The following KLHL30 variants were observed in gnomAD, a reference collection of about 807,000 sequenced individuals.
The protein encoded by KLHL30 is kelch-like protein 30.
KLHL30 carries 55 observed loss-of-function variants against 55.0 expected under a neutral mutation model. The ratio of observed to expected loss-of-function variants is 1.00; its 90% CI spans 0.80 to 1.25. The LOEUF (loss-of-function observed/expected upper bound fraction) is 1.25. KLHL30 is among the 50% of genes most tolerant of loss of function. KLHL30 has a pLI of 0.00. For missense variants in KLHL30, 786 were observed against 811.6 expected, an observed-to-expected ratio of 0.97 and a Z score of 0.38; for synonymous variants, 356 against 372.6, an observed-to-expected ratio of 0.96 and a Z score of 0.51.
At position 238,144,997 on chromosome 2, in the gene KLHL30, C is replaced by T. The variant is rs746759298; in HGVS notation, c.994+9C>T. The T allele has an allele frequency of 8.8e-6, 14 of 1,588,520 alleles. No individual in the cohort carries two copies. In the Admixed American group the frequency reaches 1.9e-4, roughly 22 times the overall value. On this transcript the variant is annotated intron_variant, in intron 4 of 7. Coordinates refer to ENST00000409223, the MANE Select transcript of KLHL30 (RefSeq NM_198582.4). ...CAACATCTATGTCACAGGTGGGCAG[C>T]TCGGGGACCCTTCCAGAGATGCCCT... is the stretch of plus-strand genomic sequence containing the variant.
chr2:238,143,301 G>A lies in KLHL30; in HGVS notation c.907+370G>A, dbSNP rs555934400. Among the ~76,000 whole-genome samples, 14 of 152,344 alleles carry A rather than the reference G, an allele frequency of 9.2e-5. No homozygotes were observed. The East Asian group carries it at 1.2e-3, about 13-fold the overall frequency. On this transcript the variant is annotated intron_variant, in intron 3 of 7. Coordinates refer to ENST00000409223, the MANE Select transcript of KLHL30 (RefSeq NM_198582.4). The stretch of plus-strand genomic sequence containing the variant: ...GCTCAGTGCACCTGCCGAGGGAATC[G>A]AGACCCCAAGGGGAGAGTGGGGTGG...
Position 238,151,425 on chromosome 2 carries a change from G to T in KLHL30, c.*360G>T. ...CTCCTGCCCCTGGACCCCAGCAGGG[G>T]CTTTTGGAGCAGTTGCATGAATGTG... On this transcript the variant is annotated 3_prime_UTR_variant, in exon 8 of 8. Coordinates refer to ENST00000409223, the MANE Select transcript of KLHL30 (RefSeq NM_198582.4). 3.0e-6 allele frequency: 1 copy of T among 337,532 alleles called. No homozygotes were observed. Among genetic ancestry groups the T allele is most frequent in the Non-Finnish European group, 5.5e-6 (1 of 180,648 alleles). 20.9% of individuals were successfully genotyped at this position (337,532 alleles called of 1,614,324 possible). A position where few individuals can be genotyped will look rare whatever the true frequency, so the allele number is the denominator to read the frequency against.
chr2:238,139,546 GT>G (rs1301160921), intron 1 of KLHL30, among the ~76,000 whole-genome samples: 1 of 152,178 alleles, frequency 6.6e-6, no homozygotes, highest in Non-Finnish European at 1.5e-5. Context: ...CCGCTCTGGG[GT>G]CAAGAGGTGG....
intron 2 of KLHL30, 120 bp from the exon 3 acceptor site, chr2:238,142,679 C>T: frequency 9.9e-7 from 1 of 1,012,950 alleles, no homozygotes; most frequent in Non-Finnish European, 1.3e-6. Context: ...GGGCACACGC[C>T]ATCTCCAGCA....
rs117746135 is a variant in KLHL30 at position 238,148,528 on chromosome 2, C to G, written c.1340-479C>G. 4.9e-4 allele frequency among the ~76,000 whole-genome samples: 74 copies of G among 152,336 alleles called. 1 individual carries two copies. The East Asian group carries it at 8.7e-3, about 18-fold the overall frequency. On this transcript the variant is annotated intron_variant, in intron 6 of 7. Transcript: ENST00000409223. The stretch of plus-strand genomic sequence containing the variant: ...CTGGTCTCCAGTCCTGTTTCACCCT[C>G]TGGACAGTGTAGATGGTGGCGGGCC...
chr2:238,144,420 A>AAGGC (rs1692604252), intron 3 of KLHL30, among the ~76,000 whole-genome samples: 32 of 98,918 alleles, frequency 3.2e-4, no homozygotes, highest in African/African-American at 1.2e-3. Context: ...GGAAGGAAGG[A>AAGGC]AGGAAGGAAG....
chr2:238,146,372 C>T (rs1299179961), intron 5 of KLHL30, among the ~76,000 whole-genome samples: 1 of 150,022 alleles, frequency 6.7e-6, no homozygotes, highest in East Asian at 2.0e-4. Context: ...GACCCTGTCT[C>T]CCTTTTTAAA....
chr2:238,147,132 G>A lies in KLHL30; in HGVS notation c.1151-702G>A, dbSNP rs1692662296. On this transcript the variant is annotated intron_variant, in intron 5 of 7. Transcript: ENST00000409223. The surrounding 1 kb of genome is among the most constrained non-coding windows in gnomAD (Gnocchi z 5.8). ...ACTGCACTTCAGCCTGGGTGACCGA[G>A]CAAGACCCTGTCTCAAAAAAAAAAA... 6.8e-6 allele frequency among the ~76,000 whole-genome samples: 1 copy of A among 146,666 alleles called. No homozygotes were observed. Among genetic ancestry groups the A allele is most frequent in the Non-Finnish European group, 1.5e-5 (1 of 66,992 alleles).
chr2:238,145,462 G>A (rs535627253), intron 4 of KLHL30, among the ~76,000 whole-genome samples: 1 of 152,292 alleles, frequency 6.6e-6, no homozygotes, highest in South Asian at 2.1e-4. Flanking sequence ...GCTGATGGGG[G>A]CTTGAAACCA....
At position 238,147,626 on chromosome 2, in the gene KLHL30, C is replaced by T. The variant is rs1177740915; in HGVS notation, c.1151-208C>T. 6.6e-6 allele frequency among the ~76,000 whole-genome samples: 1 copy of T among 152,168 alleles called. No individual in the cohort carries two copies. The highest frequency in any genetic ancestry group is 2.4e-5 in the African/African-American group (1 of 41,434). On this transcript the variant is annotated intron_variant, in intron 5 of 7. Coordinates refer to ENST00000409223, the MANE Select transcript of KLHL30 (RefSeq NM_198582.4). This position sits in a 1 kb window ranked among gnomAD's most constrained non-coding sequence, Gnocchi z 5.8. ...GCTCAGGAGTGGGGCATTTCTAGGC[C>T]CGAGTGTCCACCCCCACCCCCACCA...
intron 1 of KLHL30, 38 bp from the exon 2 acceptor site, chr2:238,140,647 C>T: frequency 8.2e-7 from 1 of 1,217,006 alleles, no homozygotes; most frequent in Non-Finnish European, 1.1e-6. Flanking sequence ...AGGATGAGAC[C>T]ATCCCCACTT....
intron 1 of KLHL30, 55 bp from the exon 2 acceptor site, chr2:238,140,630 G>A: frequency 3.0e-6 from 3 of 985,004 alleles, no homozygotes; most frequent in Non-Finnish European, 4.4e-6. Context: ...CGGGTGGGTT[G>A]CTCAGGAGGA....
At chr2:238,144,406 G>GGAAGGAAGGAAGGAAGGAAGGAAT (rs1559275881) in intron 3 of KLHL30, among the ~76,000 whole-genome samples, 35 of 122,506 alleles carry the variant, frequency 2.9e-4, no homozygotes, top group Admixed American at 5.7e-4. Context: ...AAGGAAGGAA[G>GGAAGGAAGGAAGGAAGGAAGGAAT]GAAGGAAGGA....
chr2:238,148,626 G>T (rs1002271984), intron 6 of KLHL30, among the ~76,000 whole-genome samples: 1 of 151,472 alleles, frequency 6.6e-6, no homozygotes, highest in Non-Finnish European at 1.5e-5. Context: ...GGCCCACCTG[G>T]GTACCAGGCC....
chr2:238,151,111 A>C lies in KLHL30; in HGVS notation c.*46A>C, dbSNP rs115038296. On this transcript the variant is annotated 3_prime_UTR_variant, in exon 8 of 8. Coordinates refer to ENST00000409223, the MANE Select transcript of KLHL30 (RefSeq NM_198582.4). ...GGAGGAGTCCCCACAGCGGCCCCTC[A>C]TCAGCCTGTGGAACGGCCCCTTTCA... is the stretch of plus-strand genomic sequence containing the variant. 2,310 of 1,545,596 alleles carry C rather than the reference A, an allele frequency of 1.5e-3. 30 individuals are homozygous for C. The African/African-American group carries it at 0.027, about 18-fold the overall frequency.
chr2:238,147,974 G>T lies in KLHL30; in HGVS notation c.1291G>T (p.Ala431Ser), dbSNP rs777868844. 2 of 1,558,528 alleles carry T rather than the reference G, an allele frequency of 1.3e-6. No individual in the cohort carries two copies. The highest frequency in any genetic ancestry group is 8.7e-7 in the Non-Finnish European group (1 of 1,152,932). The change falls in exon 6 of 8, where the codon GCC (alanine) becomes TCC (serine). Residue 431 changes from alanine to serine, a missense_variant. By Grantham distance (99) the Ala-to-Ser change is moderately conservative. Transcript: ENST00000409223. The surrounding 1 kb of genome is among the most constrained non-coding windows in gnomAD (Gnocchi z 5.8). ...RGRLYLVGSS[A>S]CKYNALALQC... ...CCGGCTCTACCTGGTGGGCTCCAGC[G>T]CCTGCAAGTACAACGCCCTGGCCCT...
chr2:238,144,694 C>A (rs1227666821), intron 3 of KLHL30, among the ~76,000 whole-genome samples: 1 of 152,104 alleles, frequency 6.6e-6, no homozygotes, highest in African/African-American at 2.4e-5. Flanking sequence ...CCAGGCTCTG[C>A]GGAGTGGGTG....
Position 238,151,307 on chromosome 2 carries a change from AG to A in KLHL30, c.*245del, listed in dbSNP as rs1692752602. 1.7e-6 allele frequency: 1 copy of A among 589,686 alleles called. No homozygotes were observed. The highest frequency in any genetic ancestry group is 2.9e-6 in the Non-Finnish European group (1 of 340,016). 36.5% of individuals were successfully genotyped at this position (589,686 alleles called of 1,614,324 possible). ...CCTGAGTGCCAGACGCTGGCATAAC[AG>A]GGACAGGAAGCTCTGCTGCCCCTGG... On this transcript the variant is annotated 3_prime_UTR_variant, in exon 8 of 8. Coordinates refer to ENST00000409223, the MANE Select transcript of KLHL30 (RefSeq NM_198582.4).
At chr2:238,139,508 G>A (rs941008635) in intron 1 of KLHL30, among the ~76,000 whole-genome samples, 3 of 152,162 alleles carry the variant, frequency 2.0e-5, no homozygotes, top group Non-Finnish European at 2.9e-5. Flanking sequence ...GTTGGTCCGC[G>A]AGGCCCTGTG....
Sources: allele counts gnomAD v4.1 joint callset (sites outside exome capture counted in the v4.1 genomes callset), GRCh38; gene constraint gnomAD v4.1.1; non-coding constraint Gnocchi (gnomAD v3.1); transcripts MANE v1.5; gene names NCBI Gene and HGNC (gene_info 2026-07-23, HGNC 2026-07-21).